Variants in CYP19A1 observed in about 807,000 individuals in gnomAD.
CYP19A1 encodes the protein cytochrome P450 family 19 subfamily A member 1.
A neutral mutation model predicts 44.4 loss-of-function variants in CYP19A1; 32 were observed. That is an observed-to-expected ratio of 0.72 (90% CI 0.54 to 0.97). CYP19A1 has a LOEUF of 0.97. CYP19A1 is among the 50% of genes least tolerant of loss of function. The pLI is 0.00. For missense variants in CYP19A1, 598 were observed against 637.8 expected, an observed-to-expected ratio of 0.94 and a Z score of 0.67; for synonymous variants, 212 against 215.6, an observed-to-expected ratio of 0.98 and a Z score of 0.14.
At chr15:51,306,286 A>G (rs1434238716) in intron 1 of CYP19A1, among the ~76,000 whole-genome samples, 1 of 152,200 alleles carries the variant, frequency 6.6e-6, no homozygotes, top group African/African-American at 2.4e-5. Flanking sequence ...GTTCTTTCAG[A>G]ATATTGGAGA....
intron 1 of CYP19A1, among the ~76,000 whole-genome samples, chr15:51,306,092 A>G (rs1008591049): frequency 2.0e-5 from 3 of 152,178 alleles, no homozygotes; most frequent in Non-Finnish European, 4.4e-5. Context: ...CAGCACTTGA[A>G]TCCCCCTGGC....
chr15:51,336,860 G>A (rs115481098), intron 1 of CYP19A1, among the ~76,000 whole-genome samples: 1 of 151,216 alleles, frequency 6.6e-6, no homozygotes, highest in Non-Finnish European at 1.5e-5. Context: ...CCCTGTGTCC[G>A]CATTATATCC....
chr15:51,301,330 C>T (rs1204196989), intron 1 of CYP19A1, among the ~76,000 whole-genome samples: 2 of 152,216 alleles, frequency 1.3e-5, no homozygotes, highest in Non-Finnish European at 2.9e-5. Flanking sequence ...GAGCATAAAA[C>T]TGAGATAGCA....
At chr15:51,336,293 T>C (rs955340540) in intron 1 of CYP19A1, among the ~76,000 whole-genome samples, 2 of 152,152 alleles carry the variant, frequency 1.3e-5, no homozygotes, top group Non-Finnish European at 2.9e-5. Flanking sequence ...CTGGCACAGT[T>C]CCTGGCAGAT....
chr15:51,334,437 C>T (rs1306490960), intron 1 of CYP19A1, among the ~76,000 whole-genome samples: 1 of 152,220 alleles, frequency 6.6e-6, no homozygotes, highest in Non-Finnish European at 1.5e-5. Flanking sequence ...AAGTGCTCTA[C>T]ACATGTAAGG....
intron 1 of CYP19A1, among the ~76,000 whole-genome samples, chr15:51,302,326 G>A (rs1349680137): frequency 6.6e-6 from 1 of 152,164 alleles, no homozygotes; most frequent in African/African-American, 2.4e-5. Flanking sequence ...GAGGGAATTC[G>A]CTGACCAAGA....
intron 1 of CYP19A1, among the ~76,000 whole-genome samples, chr15:51,305,599 C>T (rs534903543): frequency 5.3e-5 from 8 of 152,194 alleles, no homozygotes; most frequent in Admixed American, 2.6e-4. Context: ...CTCACTCTGT[C>T]GCCCAGGATG....
intron 3 of CYP19A1, among the ~76,000 whole-genome samples, chr15:51,231,895 C>T (rs1300359475): frequency 6.6e-6 from 1 of 152,078 alleles, no homozygotes; most frequent in African/African-American, 2.4e-5. Context: ...ATTCCACCTT[C>T]CCTCCTATTA....
At chr15:51,222,178 T>G in intron 5 of CYP19A1, 171 bp downstream of exon 5, 1 of 1,242,016 alleles carries the variant, frequency 8.1e-7, no homozygotes. Context: ...AATTTATATT[T>G]TATAAGTGAA....
rs1351697326 is a variant in CYP19A1 at position 51,210,099 on chromosome 15, A to G, written c.*709T>C. ...AGTTTGTATTACTTGATGATTATAT[A>G]TAGTTTGTATTACCTGAATCTACAG... On this transcript the variant is annotated 3_prime_UTR_variant, in exon 10 of 10. Transcript: ENST00000396402. 4 of 313,346 alleles carry G rather than the reference A, an allele frequency of 1.3e-5. No individual in the cohort carries two copies. The highest frequency in any genetic ancestry group is 5.5e-5 in the South Asian group (2 of 36,602). The allele number at this position is 313,346 out of a possible 1,614,324, so 19.4% of individuals were successfully genotyped here.
chr15:51,334,788 C>T (rs769250425), intron 1 of CYP19A1, among the ~76,000 whole-genome samples: 20 of 152,194 alleles, frequency 1.3e-4, no homozygotes, highest in Non-Finnish European at 2.1e-4. Flanking sequence ...CAAGAAAGGA[C>T]TGACTGCCTG....
chr15:51,228,311 C>A (rs1288138139), intron 3 of CYP19A1, among the ~76,000 whole-genome samples: 1 of 152,184 alleles, frequency 6.6e-6, no homozygotes, highest in Non-Finnish European at 1.5e-5. Flanking sequence ...CTCCAGCCTC[C>A]CAGGTATCAT....
At chr15:51,270,185 T>G (rs1033958542) in intron 1 of CYP19A1, among the ~76,000 whole-genome samples, 1 of 41,008 alleles carries the variant, frequency 2.4e-5, no homozygotes, top group Non-Finnish European at 5.4e-5. Flanking sequence ...TATTCTTTGG[T>G]TTTTTTTTTG....
intron 1 of CYP19A1, among the ~76,000 whole-genome samples, chr15:51,337,036 G>T (rs1234982014): frequency 6.6e-6 from 1 of 152,068 alleles, no homozygotes; most frequent in South Asian, 2.1e-4. Flanking sequence ...ACACTGAAAG[G>T]CTCCATATAA....
chr15:51,272,016 A>G (rs1048772651), intron 1 of CYP19A1, among the ~76,000 whole-genome samples: 2 of 152,216 alleles, frequency 1.3e-5, no homozygotes, highest in African/African-American at 4.8e-5. Context: ...TTCATTGTTT[A>G]TATTGTGCCT....
At chr15:51,279,986 A>G (rs1203203701) in intron 1 of CYP19A1, 2 of 152,198 alleles carry the variant, frequency 1.3e-5, no homozygotes, top group Non-Finnish European at 2.9e-5. Context: ...AAACAGAGAG[A>G]GAAGGGATGG....
intron 1 of CYP19A1, among the ~76,000 whole-genome samples, chr15:51,303,600 T>G (rs1037746794): frequency 3.3e-5 from 5 of 151,708 alleles, no homozygotes; most frequent in Non-Finnish European, 7.4e-5. Flanking sequence ...TCCATCTGGG[T>G]TTTGAGGCAT....
At chr15:51,304,890 C>CATTTTT (rs1555398466) in intron 1 of CYP19A1, among the ~76,000 whole-genome samples, 3 of 104,572 alleles carry the variant, frequency 2.9e-5, no homozygotes, top group Non-Finnish European at 3.5e-5. Flanking sequence ...GTGTCTCTTC[C>CATTTTT]TTTTTTTTTT....
At chr15:51,263,716 C>T (rs980999564) in intron 1 of CYP19A1, among the ~76,000 whole-genome samples, 1 of 152,164 alleles carries the variant, frequency 6.6e-6, no homozygotes, top group East Asian at 1.9e-4. Context: ...AGGAGCAAAT[C>T]CAATGGACCC....
Sources: allele counts gnomAD v4.1 joint callset (sites outside exome capture counted in the v4.1 genomes callset), GRCh38; gene constraint gnomAD v4.1.1; transcripts MANE v1.5; gene names NCBI Gene and HGNC (gene_info 2026-07-23, HGNC 2026-07-21).